RGS8: variants seen among roughly 807,000 people sequenced by gnomAD.
RGS8 encodes the protein regulator of G-protein signaling 8.
A neutral mutation model predicts 21.7 loss-of-function variants in RGS8; 8 were observed. That is an observed-to-expected ratio of 0.37 (90% CI 0.22 to 0.66). The LOEUF is 0.66. Among genes scored for constraint, RGS8 ranks in the 30% least tolerant of loss-of-function variants. The pLI, the probability that RGS8 is intolerant of heterozygous loss-of-function variation, is 0.59. For synonymous variants in RGS8, 80 were observed against 83.6 expected, an observed-to-expected ratio of 0.96 and a Z score of 0.24; for missense variants, 157 against 217.9, an observed-to-expected ratio of 0.72 and a Z score of 1.76.
At chr1:182,737,195 C>T in the RGS8 span, among the ~76,000 whole-genome samples, 2 of 151,860 alleles carry the variant, frequency 1.3e-5, no homozygotes, top group Non-Finnish European at 2.9e-5. Flanking sequence ...CTCCCTCTGC[C>T]TCTCTCTTAT....
chr1:182,673,516 T>C (rs1048655091), upstream of RGS8, among the ~76,000 whole-genome samples: 4 of 152,130 alleles, frequency 2.6e-5, no homozygotes, highest in African/African-American at 9.7e-5. Context: ...ATTCTCTCGG[T>C]GAAATGATTC....
At chr1:182,734,065 C>T in the RGS8 span, among the ~76,000 whole-genome samples, 1,559 of 151,922 alleles carry the variant, frequency 0.01, 26 homozygotes, top group African/African-American at 0.036. Context: ...GGATTACAGG[C>T]GCCTGCCACC....
the RGS8 span, among the ~76,000 whole-genome samples, chr1:182,709,942 G>A: frequency 1.3e-5 from 2 of 152,180 alleles, no homozygotes; most frequent in African/African-American, 4.8e-5. Context: ...GGTTACAGGA[G>A]TGAATAATTT....
the RGS8 span, among the ~76,000 whole-genome samples, chr1:182,725,813 T>C: frequency 1.3e-5 from 2 of 152,144 alleles, no homozygotes; most frequent in African/African-American, 4.8e-5. Flanking sequence ...CAGCCAGGCT[T>C]CCCCTAGTTA....
the RGS8 span, among the ~76,000 whole-genome samples, chr1:182,741,890 C>T: frequency 7.2e-6 from 1 of 138,876 alleles, no homozygotes; most frequent in Non-Finnish European, 1.6e-5. Context: ...CTGACCCCCC[C>T]ACCTCCCTCC....
At chr1:182,663,900 G>A (rs1018178687) in intron 5 of RGS8, among the ~76,000 whole-genome samples, 1 of 151,212 alleles carries the variant, frequency 6.6e-6, no homozygotes, top group Non-Finnish European at 1.5e-5. Context: ...TGAACCCCTG[G>A]CCTCAAGTGA....
At chr1:182,669,861 C>T (rs1285642339) in intron 2 of RGS8, 109 bp from the exon 4 acceptor site, 19 of 1,236,410 alleles carry the variant, frequency 1.5e-5, no homozygotes, top group Non-Finnish European at 1.9e-5. Flanking sequence ...ACACACATCC[C>T]CCCAGCCCCA....
chr1:182,726,963 G>A, the RGS8 span, among the ~76,000 whole-genome samples: 1 of 151,368 alleles, frequency 6.6e-6, no homozygotes, highest in East Asian at 1.9e-4. Flanking sequence ...TCACCTTCTG[G>A]GGCCATGTAC....
chr1:182,692,686 A>AAC, the RGS8 span, among the ~76,000 whole-genome samples: 1 of 150,664 alleles, frequency 6.6e-6, no homozygotes, highest in Admixed American at 6.6e-5. Context: ...AAAAAAAAAA[A>AAC]AAAAAAAAAA....
At chr1:182,751,836 A>T in the RGS8 span, among the ~76,000 whole-genome samples, 1 of 152,240 alleles carries the variant, frequency 6.6e-6, no homozygotes, top group Non-Finnish European at 1.5e-5. Context: ...CTTCCAGAAT[A>T]CGTTGGAAAC....
chr1:182,669,837 C>T (rs1335620278), intron 2 of RGS8, 85 bp from the exon 4 acceptor site: 21 of 1,394,276 alleles, frequency 1.5e-5, no homozygotes, highest in Non-Finnish European at 1.9e-5. Context: ...TTTCCGCCAG[C>T]GGAACACCTC....
chr1:182,735,305 T>A, the RGS8 span, among the ~76,000 whole-genome samples: 1 of 152,184 alleles, frequency 6.6e-6, no homozygotes, highest in Non-Finnish European at 1.5e-5. Context: ...CAACGATAAC[T>A]AAGGAAAAGT....
chr1:182,723,393 G>A, the RGS8 span, among the ~76,000 whole-genome samples: 1 of 152,104 alleles, frequency 6.6e-6, no homozygotes, highest in African/African-American at 2.4e-5. Flanking sequence ...TCTGGCTGTT[G>A]GCGTGAGGCC....
At chr1:182,715,992 C>G in the RGS8 span, among the ~76,000 whole-genome samples, 1 of 152,138 alleles carries the variant, frequency 6.6e-6, no homozygotes, top group African/African-American at 2.4e-5. Flanking sequence ...ATATTCAAGT[C>G]CCTCATATAA....
intron 5 of RGS8, among the ~76,000 whole-genome samples, chr1:182,659,429 G>A (rs1019340418): frequency 1.9e-4 from 29 of 152,196 alleles, no homozygotes; most frequent in Non-Finnish European, 3.8e-4. Flanking sequence ...AGCCGGGCGC[G>A]GTGGCTCACG....
intron 5 of RGS8, among the ~76,000 whole-genome samples, chr1:182,663,932 A>G (rs1210258364): frequency 6.6e-6 from 1 of 152,130 alleles, no homozygotes; most frequent in Non-Finnish European, 1.5e-5. Context: ...CAGCCTCTAA[A>G]ATGCTGGAAT....
At chr1:182,682,413 AG>A (rs1664565929) in intron 1 of RGS8, among the ~76,000 whole-genome samples, 1 of 152,206 alleles carries the variant, frequency 6.6e-6, no homozygotes, top group South Asian at 2.1e-4. Flanking sequence ...TGATGATACA[AG>A]GACAGGTGCT....
the RGS8 span, among the ~76,000 whole-genome samples, chr1:182,749,146 T>C: frequency 6.6e-6 from 1 of 152,342 alleles, no homozygotes; most frequent in African/African-American, 2.4e-5. Flanking sequence ...TTTTGAGGTC[T>C]TATCCAAAAA....
chr1:182,741,574 C>T, the RGS8 span, among the ~76,000 whole-genome samples: 1 of 115,182 alleles, frequency 8.7e-6, no homozygotes, highest in African/African-American at 3.3e-5. Context: ...TAGGGGCGGC[C>T]GGGCAGAGGC....
Sources: allele counts gnomAD v4.1 joint callset (sites outside exome capture counted in the v4.1 genomes callset), GRCh38; gene constraint gnomAD v4.1.1; transcripts MANE v1.5; gene names NCBI Gene and HGNC (gene_info 2026-07-23, HGNC 2026-07-21).